The following LMNTD1 variants were observed in gnomAD, a reference collection of about 807,000 sequenced individuals.
LMNTD1 encodes lamin tail domain containing 1.
LMNTD1 carries 35 observed loss-of-function variants against 50.9 expected under a neutral mutation model. That is an observed-to-expected ratio of 0.69 (90% CI 0.53 to 0.91). The LOEUF is 0.91. Ranked by LOEUF, LMNTD1 falls within the 40% of genes least tolerant of loss-of-function variation. LMNTD1 has a pLI of 0.00. For missense variants in LMNTD1, 470 were observed against 475.5 expected (o/e 0.99, Z 0.11); for synonymous variants, 153 against 161.9 (o/e 0.94, Z 0.42).
intron 8 of LMNTD1, among the ~76,000 whole-genome samples, chr12:25,506,341 G>A (rs1939777632): frequency 6.6e-6 from 1 of 152,172 alleles, no homozygotes; most frequent in African/African-American, 2.4e-5. Flanking sequence ...CAGGTGCAGA[G>A]TCCACAATTA....
At chr12:25,531,878 A>T (rs1236286796) in intron 4 of LMNTD1, among the ~76,000 whole-genome samples, 2 of 152,240 alleles carry the variant, frequency 1.3e-5, no homozygotes, top group Non-Finnish European at 1.5e-5. Flanking sequence ...CAGTTCAGTG[A>T]TTCTCTCTTC....
At chr12:25,622,469 C>CA (rs1005511690) in intron 1 of LMNTD1, among the ~76,000 whole-genome samples, 4 of 134,126 alleles carry the variant, frequency 3.0e-5, no homozygotes, top group African/African-American at 1.1e-4. Flanking sequence ...GTGAGCCCGC[C>CA]CCCCCCCGCA....
intron 1 of LMNTD1, among the ~76,000 whole-genome samples, chr12:25,633,744 T>C (rs1184645680): frequency 6.6e-6 from 1 of 152,036 alleles, no homozygotes; most frequent in Non-Finnish European, 1.5e-5. Context: ...CAAACTGACA[T>C]TCTAAGGTCA....
At chr12:25,603,951 G>GA (rs1299857618) in intron 1 of LMNTD1, among the ~76,000 whole-genome samples, 7 of 151,860 alleles carry the variant, frequency 4.6e-5, no homozygotes, top group African/African-American at 1.7e-4. Flanking sequence ...AATATTGGGG[G>GA]GGAAGGCTGA....
At chr12:25,507,812 G>C (rs1460251028) in intron 8 of LMNTD1, among the ~76,000 whole-genome samples, 2 of 152,284 alleles carry the variant, frequency 1.3e-5, no homozygotes, top group African/African-American at 4.8e-5. Flanking sequence ...TATAAAGGAA[G>C]AATATTTTAA....
chr12:25,533,104 T>A (rs1027405942), intron 4 of LMNTD1, among the ~76,000 whole-genome samples: 6 of 152,218 alleles, frequency 3.9e-5, no homozygotes, highest in Non-Finnish European at 7.4e-5. Flanking sequence ...ATAAATGTTC[T>A]TGTCTGAAGG....
At chr12:25,583,353 G>A (rs1297668279) in intron 1 of LMNTD1, among the ~76,000 whole-genome samples, 1 of 151,602 alleles carries the variant, frequency 6.6e-6, no homozygotes, top group Non-Finnish European at 1.5e-5. Flanking sequence ...AATTTTAGTA[G>A]AGCCGAGGTC....
At chr12:25,566,795 T>G (rs1223404466) in intron 1 of LMNTD1, among the ~76,000 whole-genome samples, 8 of 152,208 alleles carry the variant, frequency 5.3e-5, no homozygotes, top group Non-Finnish European at 1.0e-4. Flanking sequence ...CGGGCGTCAA[T>G]GAAGGGTACA....
At chr12:25,575,689 CTT>C (rs3035947) in intron 1 of LMNTD1, among the ~76,000 whole-genome samples, 1 of 150,808 alleles carries the variant, frequency 6.6e-6, no homozygotes, top group Admixed American at 6.6e-5. Context: ...GCTCTATTTT[CTT>C]TTTTTTTATA....
At position 25,476,180 on chromosome 12, in the gene LMNTD1, AAG is replaced by A. The variant is rs1191574297; in HGVS notation, c.*301_*302del. On this transcript the variant is annotated 3_prime_UTR_variant, in exon 10 of 10. Transcript: ENST00000458174. ...TACCCAAAATAACTTTGTTTACAAAAAGAGAAATCTAAGGCAAATAGCAATTT... is the reference window on the plus strand; with the variant it reads ...TACCCAAAATAACTTTGTTTACAAAAAGAAATCTAAGGCAAATAGCAATTT... 1 of 152,268 alleles carries A rather than the reference AAG, an allele frequency of 6.6e-6. No individual in the cohort carries two copies. Among genetic ancestry groups the A allele is most frequent in the Non-Finnish European group, 1.5e-5 (1 of 68,046 alleles). The allele number at this position is 152,268 out of a possible 1,614,324, so 9.4% of individuals were successfully genotyped here.
chr12:25,590,370 A>G (rs1945659531), intron 1 of LMNTD1, among the ~76,000 whole-genome samples: 1 of 152,212 alleles, frequency 6.6e-6, no homozygotes, highest in South Asian at 2.1e-4. Context: ...CTAGCCAGAG[A>G]GGAATTTCCC....
At chr12:25,487,260 T>C (rs1449594760) in intron 9 of LMNTD1, among the ~76,000 whole-genome samples, 1 of 115,492 alleles carries the variant, frequency 8.7e-6, no homozygotes, top group African/African-American at 3.3e-5. Flanking sequence ...TATTAATGTG[T>C]GGGAGTCGAA....
At chr12:25,527,251 A>C (rs578195464) in intron 4 of LMNTD1, among the ~76,000 whole-genome samples, 1 of 152,108 alleles carries the variant, frequency 6.6e-6, no homozygotes, top group Non-Finnish European at 1.5e-5. Context: ...ATAATAGTTT[A>C]AATTTCCTAC....
At chr12:25,567,834 A>G (rs1175999930) in intron 1 of LMNTD1, among the ~76,000 whole-genome samples, 5 of 142,466 alleles carry the variant, frequency 3.5e-5, no homozygotes, top group African/African-American at 1.3e-4. Flanking sequence ...GCCAACTTAA[A>G]TCTCTTTTAT....
chr12:25,639,580 G>A (rs990092301), intron 1 of LMNTD1, among the ~76,000 whole-genome samples: 11 of 152,130 alleles, frequency 7.2e-5, no homozygotes, highest in African/African-American at 2.7e-4. Context: ...TTAGGGGAAT[G>A]GAAATCAAAA....
At chr12:25,578,003 C>A (rs1000159327) in intron 1 of LMNTD1, among the ~76,000 whole-genome samples, 1 of 152,126 alleles carries the variant, frequency 6.6e-6, no homozygotes, top group Non-Finnish European at 1.5e-5. Flanking sequence ...TGACTTCACT[C>A]CATGGACAGG....
upstream of LMNTD1, among the ~76,000 whole-genome samples, chr12:25,556,954 A>T (rs1018502799): frequency 1.3e-5 from 2 of 152,220 alleles, no homozygotes; most frequent in Non-Finnish European, 2.9e-5. Context: ...GGCAGCATAT[A>T]TAAAGATAGT....
At chr12:25,618,648 C>T (rs1003783532) in intron 1 of LMNTD1, among the ~76,000 whole-genome samples, 11 of 152,058 alleles carry the variant, frequency 7.2e-5, no homozygotes, top group Non-Finnish European at 4.4e-5. Flanking sequence ...ACATAGGAAT[C>T]GGAGAAGCCA....
At chr12:25,496,194 G>A (rs1939059096) in intron 9 of LMNTD1, among the ~76,000 whole-genome samples, 1 of 152,148 alleles carries the variant, frequency 6.6e-6, no homozygotes, top group Non-Finnish European at 1.5e-5. Flanking sequence ...AAGAGGTTGG[G>A]AGGGAAGTCT....
Sources: allele counts gnomAD v4.1 joint callset (sites outside exome capture counted in the v4.1 genomes callset), GRCh38; gene constraint gnomAD v4.1.1; transcripts MANE v1.5; gene names NCBI Gene and HGNC (gene_info 2026-07-23, HGNC 2026-07-21).